Variants in ARHGAP22 observed in about 807,000 individuals in gnomAD.
ARHGAP22 encodes rho GTPase-activating protein 22.
In ARHGAP22, 48 loss-of-function variants were observed where a neutral mutation model predicts 59.1. The observed-to-expected ratio is 0.81, with a 90% confidence interval of 0.64 to 1.03. The LOEUF (loss-of-function observed/expected upper bound fraction) is 1.03, where lower values mean the gene tolerates loss of function less well. Among genes scored for constraint, ARHGAP22 ranks in the 50% least tolerant of loss-of-function variants. ARHGAP22 has a pLI of 0.00. For missense variants in ARHGAP22, 1,015 were observed against 958.7 expected, an observed-to-expected ratio of 1.06 and a Z score of -0.78; for synonymous variants, 445 against 416.4, an observed-to-expected ratio of 1.07 and a Z score of -0.84.
chr10:48,584,744 C>T (rs1419787195), intron 1 of ARHGAP22, among the ~76,000 whole-genome samples: 5 of 152,198 alleles, frequency 3.3e-5, no homozygotes, highest in Non-Finnish European at 7.3e-5. Flanking sequence ...CCTGTAATCC[C>T]AGCACTTTGG....
intron 1 of ARHGAP22, among the ~76,000 whole-genome samples, chr10:48,616,916 A>G (rs982967639): frequency 6.6e-6 from 1 of 152,108 alleles, no homozygotes; most frequent in East Asian, 1.9e-4. Context: ...TAAGATGACC[A>G]TATAGGCAAA....
At chr10:48,600,324 G>C (rs1220482242) in intron 1 of ARHGAP22, among the ~76,000 whole-genome samples, 4 of 152,124 alleles carry the variant, frequency 2.6e-5, no homozygotes, top group African/African-American at 9.7e-5. Context: ...TCACTCTAGG[G>C]TGCTAGAAAT....
intron 2 of ARHGAP22, among the ~76,000 whole-genome samples, chr10:48,568,962 T>C (rs1018768320): frequency 8.5e-5 from 13 of 152,186 alleles, no homozygotes; most frequent in African/African-American, 3.1e-4. Context: ...TGTCCTGTCT[T>C]GTCCTGAGCC....
chr10:48,463,194 C>T (rs376037909), intron 4 of ARHGAP22, among the ~76,000 whole-genome samples: 34 of 152,224 alleles, frequency 2.2e-4, no homozygotes, highest in African/African-American at 6.0e-4. Context: ...AGGACTCACA[C>T]TTGCTACTTC....
chr10:48,446,018 C>A (rs1288214720), downstream of ARHGAP22: 4 of 281,762 alleles, frequency 1.4e-5, no homozygotes, highest in Non-Finnish European at 6.6e-6. Context: ...GAAAAATGAG[C>A]CAGGTAACAA....
chr10:48,484,067 A>G (rs2049607229), intron 3 of ARHGAP22, among the ~76,000 whole-genome samples: 1 of 152,148 alleles, frequency 6.6e-6, no homozygotes, highest in Non-Finnish European at 1.5e-5. Context: ...GAGAAATGTG[A>G]GAGATGGGGT....
intron 1 of ARHGAP22, among the ~76,000 whole-genome samples, chr10:48,623,389 C>G (rs61838407): frequency 6.6e-6 from 1 of 152,158 alleles, no homozygotes; most frequent in Non-Finnish European, 1.5e-5. Flanking sequence ...CTGTCTTTGT[C>G]GAGAAAAGAT....
At position 48,466,154 on chromosome 10, in the gene ARHGAP22, G is replaced by A. The variant is rs544998804; in HGVS notation, c.452-6263C>T. On this transcript the variant is annotated intron_variant, in intron 4 of 9. Transcript: ENST00000249601. ...GTGATTCCCTCCTCCTGGGGCCGCCGGTCCCACACCCCTTCCTGTGGCCCA... is the reference window on the plus strand; with the variant it reads ...GTGATTCCCTCCTCCTGGGGCCGCCAGTCCCACACCCCTTCCTGTGGCCCA... 6.6e-5 allele frequency among the ~76,000 whole-genome samples: 10 copies of A among 152,156 alleles called. No homozygotes were observed. The East Asian group carries it at 1.9e-3, about 30-fold the overall frequency.
At chr10:48,655,054 C>CTTTCTTTCTCCT (rs1309930149), upstream of ARHGAP22, among the ~76,000 whole-genome samples, 2 of 61,600 alleles carry the variant, frequency 3.2e-5, no homozygotes, top group African/African-American at 1.3e-4. Context: ...TTCTTTCTTT[C>CTTTCTTTCTCCT]TCCTTCCTTC....
intron 3 of ARHGAP22, among the ~76,000 whole-genome samples, chr10:48,512,291 G>A (rs749835030): frequency 1.3e-5 from 2 of 152,236 alleles, no homozygotes; most frequent in Non-Finnish European, 2.9e-5. Context: ...AGATACAAGA[G>A]CGCAGGCTCT....
chr10:48,476,396 G>A (rs1008393516), intron 4 of ARHGAP22, among the ~76,000 whole-genome samples: 9 of 152,274 alleles, frequency 5.9e-5, no homozygotes, highest in East Asian at 3.9e-4. Flanking sequence ...GTGGCCTGCC[G>A]GTGCCAGAAT....
chr10:48,495,378 A>G (rs1259148707), intron 3 of ARHGAP22, among the ~76,000 whole-genome samples: 1 of 152,228 alleles, frequency 6.6e-6, no homozygotes, highest in African/African-American at 2.4e-5. Flanking sequence ...CAATGATGAT[A>G]CCCCATTTAC....
intron 6 of ARHGAP22, among the ~76,000 whole-genome samples, chr10:48,454,436 T>C (rs566221872): frequency 6.6e-6 from 1 of 152,232 alleles, no homozygotes; most frequent in East Asian, 1.9e-4. Context: ...TCAGCTCACT[T>C]ATCAAGACAC....
intron 3 of ARHGAP22, among the ~76,000 whole-genome samples, chr10:48,550,340 G>C (rs1258562604): frequency 6.6e-6 from 1 of 152,208 alleles, no homozygotes; most frequent in African/African-American, 2.4e-5. Flanking sequence ...AGGGTAGGAA[G>C]GTGTCTTTCT....
chr10:48,433,657 C>T, the ARHGAP22 span, among the ~76,000 whole-genome samples: 1 of 152,202 alleles, frequency 6.6e-6, no homozygotes, highest in Non-Finnish European at 1.5e-5. Context: ...AGTCCCCTCC[C>T]TAAAGATTTT....
intron 2 of ARHGAP22, among the ~76,000 whole-genome samples, chr10:48,568,712 C>T (rs1299662289): frequency 6.6e-6 from 1 of 152,240 alleles, no homozygotes; most frequent in African/African-American, 2.4e-5. Context: ...GGGTGTGAAA[C>T]AGCCTCTCCT....
At chr10:48,543,394 C>A (rs534762928) in intron 3 of ARHGAP22, among the ~76,000 whole-genome samples, 1 of 152,270 alleles carries the variant, frequency 6.6e-6, no homozygotes, top group African/African-American at 2.4e-5. Flanking sequence ...CTGAGCACAG[C>A]CTCAGGGCCC....
intron 4 of ARHGAP22, among the ~76,000 whole-genome samples, chr10:48,478,826 A>G (rs556168575): frequency 4.3e-4 from 65 of 152,226 alleles, no homozygotes; most frequent in African/African-American, 1.5e-3. Context: ...ACTTTGCACC[A>G]TCAGCTGCAT....
At chr10:48,648,062 C>A in intron 1 of ARHGAP22, among the ~76,000 whole-genome samples, 1 of 152,154 alleles carries the variant, frequency 6.6e-6, no homozygotes, top group East Asian at 1.9e-4. Flanking sequence ...TGCAGATGGG[C>A]TTGAGGGAAT....
Sources: gnomAD v4.1 joint callset for allele counts (sites outside exome capture counted in the v4.1 genomes callset) on GRCh38, gnomAD v4.1.1 for gene constraint, MANE v1.5 for transcripts, NCBI Gene and HGNC (gene_info 2026-07-23, HGNC 2026-07-21) for gene names.